The following RALGAPA1 variants were observed in gnomAD, a reference collection of about 807,000 sequenced individuals.
RALGAPA1 encodes ral GTPase-activating protein subunit alpha-1.
Under a neutral mutation model 269.6 loss-of-function variants are expected in RALGAPA1, and 52 were observed. The observed-to-expected ratio is 0.19, with a 90% CI of 0.15 to 0.24. The LOEUF is 0.24. RALGAPA1 is among the 10% of genes least tolerant of loss of function. The pLI, the probability that RALGAPA1 is intolerant of heterozygous loss-of-function variation, is 1.00. For missense variants in RALGAPA1, 1,917 were observed against 3,013.9 expected, an observed-to-expected ratio of 0.64 and a Z score of 8.52; for synonymous variants, 817 against 1,008.3, an observed-to-expected ratio of 0.81 and a Z score of 3.60.
At chr14:35,644,660 G>C (rs1263436299) in intron 31 of RALGAPA1, among the ~76,000 whole-genome samples, 1 of 152,182 alleles carries the variant, frequency 6.6e-6, no homozygotes, top group Non-Finnish European at 1.5e-5. Flanking sequence ...ATGGAAACCA[G>C]ATTTTTCATT....
chr14:35,733,553 C>G (rs1034352466), intron 12 of RALGAPA1, among the ~76,000 whole-genome samples: 1 of 151,998 alleles, frequency 6.6e-6, no homozygotes, highest in Non-Finnish European at 1.5e-5. Flanking sequence ...CTATCAAAAC[C>G]TCTATGATAC....
intron 37 of RALGAPA1, among the ~76,000 whole-genome samples, chr14:35,576,628 A>G (rs1383863479): frequency 6.6e-6 from 1 of 152,212 alleles, no homozygotes; most frequent in Non-Finnish European, 1.5e-5. Context: ...TATATTTATT[A>G]AAGGTATTTA....
intron 39 of RALGAPA1, 93 bp from the exon 40 acceptor site, chr14:35,549,327 C>T: frequency 8.0e-7 from 1 of 1,255,082 alleles, no homozygotes; most frequent in Non-Finnish European, 1.1e-6. Context: ...TAAGCCATTA[C>T]TTCTTAATAA....
chr14:35,790,943 T>C (rs1475898736), intron 1 of RALGAPA1, among the ~76,000 whole-genome samples: 4 of 152,182 alleles, frequency 2.6e-5, no homozygotes, highest in Admixed American at 1.3e-4. Context: ...AATTTCATTA[T>C]CTATTAAAAG....
At chr14:35,625,135 T>TG (rs200949265) in intron 35 of RALGAPA1, among the ~76,000 whole-genome samples, 2,152 of 111,206 alleles carry the variant, frequency 0.019, 67 homozygotes, top group African/African-American at 0.074. Flanking sequence ...TGGGTGACAG[T>TG]GGGAGACTCT....
At chr14:35,599,624 T>C (rs1233710434) in intron 36 of RALGAPA1, among the ~76,000 whole-genome samples, 3 of 152,200 alleles carry the variant, frequency 2.0e-5, no homozygotes, top group Admixed American at 6.5e-5. Context: ...GGCGCATGAC[T>C]GTAATCCCAG....
chr14:35,795,788 A>G (rs905132052), intron 1 of RALGAPA1, among the ~76,000 whole-genome samples: 4 of 149,902 alleles, frequency 2.7e-5, no homozygotes, highest in African/African-American at 1.0e-4. Flanking sequence ...CAGCCTGGGC[A>G]ACATAGCAAA....
chr14:35,736,378 T>G (rs549550335), intron 12 of RALGAPA1, among the ~76,000 whole-genome samples: 29 of 152,280 alleles, frequency 1.9e-4, no homozygotes, highest in African/African-American at 6.5e-4. Context: ...AGATGAGAGA[T>G]CCTAGACTAC....
At chr14:35,650,127 T>C (rs1182649634) in intron 31 of RALGAPA1, among the ~76,000 whole-genome samples, 2 of 152,108 alleles carry the variant, frequency 1.3e-5, no homozygotes, top group Non-Finnish European at 2.9e-5. Context: ...ATCCCAGCAC[T>C]TTGGGAGGCC....
chr14:35,681,566 T>C (rs1358563971), intron 21 of RALGAPA1, among the ~76,000 whole-genome samples: 4 of 152,218 alleles, frequency 2.6e-5, no homozygotes, highest in Non-Finnish European at 5.9e-5. Flanking sequence ...TTTTCTTCTG[T>C]ATATGGAAAT....
intron 37 of RALGAPA1, among the ~76,000 whole-genome samples, chr14:35,578,364 G>T (rs1566731698): frequency 6.6e-6 from 1 of 152,188 alleles, no homozygotes; most frequent in Non-Finnish European, 1.5e-5. Flanking sequence ...GGGTATACGT[G>T]TAGAAACTGT....
rs71124706 is a variant in RALGAPA1 at position 35,561,226 on chromosome 14, C to CAAA, written c.7496+9388_7496+9390dup. Among the ~76,000 whole-genome samples, 208 of 36,784 alleles carry CAAA rather than the reference C, an allele frequency of 5.7e-3. 31 individuals are homozygous for CAAA. Among genetic ancestry groups the CAAA allele is most frequent in the African/African-American group, 8.5e-3 (52 of 6,120 alleles). 24.1% of individuals were successfully genotyped at this position (36,784 alleles called of 152,430 possible). On this transcript the variant is annotated intron_variant, in intron 39 of 41. Coordinates refer to ENST00000680220, the MANE Select transcript of RALGAPA1 (RefSeq NM_001346249.2). ...TGGGGGAAACAGCAAAACTCTGTCT[C>CAAA]AAAAAAAAAAAAAAAAAAAAAAAAA...
chr14:35,682,072 T>G (rs2065490940), intron 21 of RALGAPA1, among the ~76,000 whole-genome samples: 1 of 152,164 alleles, frequency 6.6e-6, no homozygotes, highest in African/African-American at 2.4e-5. Flanking sequence ...TGATGGACAT[T>G]TGGTTTGTTT....
chr14:35,561,481 G>C (rs1421468230), intron 39 of RALGAPA1, among the ~76,000 whole-genome samples: 1 of 133,204 alleles, frequency 7.5e-6, no homozygotes, highest in Non-Finnish European at 1.6e-5. Context: ...TTCTTTAATT[G>C]TAATGCCATG....
chr14:35,631,921 C>G (rs748868560), intron 33 of RALGAPA1, among the ~76,000 whole-genome samples: 1 of 151,812 alleles, frequency 6.6e-6, no homozygotes, highest in Non-Finnish European at 1.5e-5. Context: ...ACATAAACCT[C>G]GAAGCTCAGG....
chr14:35,765,853 C>G (rs866492144), intron 4 of RALGAPA1: 1 of 711,476 alleles, frequency 1.4e-6, no homozygotes, highest in Middle Eastern at 3.3e-4. Flanking sequence ...TATAGTAGTT[C>G]CGAAATTGTT....
chr14:35,761,097 G>GTC, intron 5 of RALGAPA1, 91 bp from the exon 6 acceptor site: 2 of 917,780 alleles, frequency 2.2e-6, no homozygotes, highest in Non-Finnish European at 3.2e-6. Flanking sequence ...GATGACAACA[G>GTC]AATGATACTT....
intron 30 of RALGAPA1, among the ~76,000 whole-genome samples, chr14:35,653,143 G>A (rs2062955647): frequency 6.6e-6 from 1 of 152,150 alleles, no homozygotes; most frequent in Admixed American, 6.6e-5. Context: ...CTTGGCTTAT[G>A]ACTCTTATGT....
Position 35,714,704 on chromosome 14 carries a change from T to C in RALGAPA1, c.2266+6984A>G, listed in dbSNP as rs115085701. Among the ~76,000 whole-genome samples the C allele has an allele frequency of 5.2e-3, 794 of 152,366 alleles. 7 individuals are homozygous for C. Among genetic ancestry groups the C allele is most frequent in the African/African-American group, 0.018 (749 of 41,588 alleles). On this transcript the variant is annotated intron_variant, in intron 16 of 41. Coordinates refer to ENST00000680220, the MANE Select transcript of RALGAPA1 (RefSeq NM_001346249.2). ...TTACCTACACATTTACGACTTTCTT[T>C]GATCATTTATCCTTCTTGCATCTCG... is the stretch of plus-strand genomic sequence containing the variant.
Sources: gnomAD v4.1 joint callset for allele counts (sites outside exome capture counted in the v4.1 genomes callset) on GRCh38, gnomAD v4.1.1 for gene constraint, MANE v1.5 for transcripts, NCBI Gene and HGNC (gene_info 2026-07-23, HGNC 2026-07-21) for gene names.